Variants in PRR16 observed in about 807,000 individuals in gnomAD.
PRR16 encodes proline rich 16.
A neutral mutation model predicts 18.2 loss-of-function variants in PRR16; 6 were observed. The ratio of observed to expected loss-of-function variants is 0.33; its 90% confidence interval spans 0.18 to 0.65. The LOEUF is 0.65. PRR16 is among the 30% of genes least tolerant of loss of function. The pLI is 0.74. For synonymous variants in PRR16, 151 were observed against 147.8 expected (o/e 1.02, Z -0.16); for missense variants, 412 against 376.6 (o/e 1.09, Z -0.78).
At chr5:120,674,057 G>A (rs892518405) in intron 1 of PRR16, among the ~76,000 whole-genome samples, 14 of 151,760 alleles carry the variant, frequency 9.2e-5, no homozygotes, top group South Asian at 2.1e-4. Flanking sequence ...ACATCTTTTG[G>A]AAATTGAGCT....
chr5:120,772,521 A>T, the PRR16 span, among the ~76,000 whole-genome samples: 1 of 152,078 alleles, frequency 6.6e-6, no homozygotes, highest in African/African-American at 2.4e-5. Flanking sequence ...TAAACTCAAT[A>T]TTTCCTAGCA....
intron 1 of PRR16, among the ~76,000 whole-genome samples, chr5:120,614,674 C>A (rs905364032): frequency 1.3e-5 from 2 of 152,152 alleles, no homozygotes; most frequent in Non-Finnish European, 2.9e-5. Context: ...TGTTCTATTG[C>A]TGAATAAGTT....
intron 1 of PRR16, among the ~76,000 whole-genome samples, chr5:120,622,842 T>G (rs952080294): frequency 2.6e-5 from 4 of 151,350 alleles, no homozygotes; most frequent in Non-Finnish European, 4.4e-5. Flanking sequence ...TTTACATTAT[T>G]TCTTTTTTGT....
chr5:120,505,946 G>GTATA (rs10635515), intron 1 of PRR16, among the ~76,000 whole-genome samples: 3,441 of 141,246 alleles, frequency 0.024, 49 homozygotes, highest in South Asian at 0.039. Flanking sequence ...GTGTGTGTGT[G>GTATA]TATATATATA....
the PRR16 span, among the ~76,000 whole-genome samples, chr5:120,764,034 G>C: frequency 6.6e-6 from 1 of 152,024 alleles, no homozygotes; most frequent in Non-Finnish European, 1.5e-5. Flanking sequence ...ACGTTTATAA[G>C]TTTAGAGAAC....
At chr5:120,793,816 G>A in the PRR16 span, among the ~76,000 whole-genome samples, 4 of 152,072 alleles carry the variant, frequency 2.6e-5, no homozygotes, top group Non-Finnish European at 5.9e-5. Context: ...GTACTTACAT[G>A]AACCTAGATG....
chr5:120,483,851 G>A (rs1241347763), intron 1 of PRR16, among the ~76,000 whole-genome samples: 1 of 152,092 alleles, frequency 6.6e-6, no homozygotes, highest in Non-Finnish European at 1.5e-5. Flanking sequence ...TACAGTTGGT[G>A]TAAGTGATTC....
At chr5:120,470,908 A>G (rs557702608) in intron 1 of PRR16, among the ~76,000 whole-genome samples, 20 of 148,940 alleles carry the variant, frequency 1.3e-4, no homozygotes, top group Non-Finnish European at 2.7e-4. Flanking sequence ...CACGTTTCCT[A>G]TTTTTTTTTT....
chr5:120,623,996 A>G (rs969765679), intron 1 of PRR16, among the ~76,000 whole-genome samples: 4 of 152,066 alleles, frequency 2.6e-5, no homozygotes, highest in African/African-American at 9.7e-5. Flanking sequence ...TTGTATGCTT[A>G]ATGTTTGTGT....
the PRR16 span, among the ~76,000 whole-genome samples, chr5:120,701,693 A>G: frequency 2.0e-5 from 3 of 152,094 alleles, no homozygotes; most frequent in African/African-American, 7.2e-5. Context: ...GAAAAGGAAG[A>G]TTAGAAAGAC....
intron 1 of PRR16, among the ~76,000 whole-genome samples, chr5:120,683,921 CAA>C (rs55985484): frequency 3.3e-4 from 40 of 121,700 alleles, no homozygotes; most frequent in Middle Eastern, 4.2e-3. Flanking sequence ...ACTTCTGCTT[CAA>C]AAAAAAAAAA....
At chr5:120,536,412 C>T (rs554494359) in intron 1 of PRR16, among the ~76,000 whole-genome samples, 8 of 152,148 alleles carry the variant, frequency 5.3e-5, no homozygotes, top group Non-Finnish European at 1.2e-4. Context: ...TTTTCTATTA[C>T]AATAAACTTT....
the PRR16 span, among the ~76,000 whole-genome samples, chr5:120,728,001 C>T: frequency 1.3e-5 from 2 of 151,788 alleles, no homozygotes; most frequent in African/African-American, 4.8e-5. Context: ...TATTCAACAA[C>T]ATATTAGGCA....
At chr5:120,702,794 G>A in the PRR16 span, among the ~76,000 whole-genome samples, 2 of 152,156 alleles carry the variant, frequency 1.3e-5, no homozygotes, top group Admixed American at 1.3e-4. Context: ...GGAGAAGAGA[G>A]TAAGAAGAGG....
chr5:120,763,722 ATTTC>A, the PRR16 span, among the ~76,000 whole-genome samples: 359 of 151,714 alleles, frequency 2.4e-3, no homozygotes, highest in African/African-American at 7.8e-3. Context: ...GTCTTCTTCA[ATTTC>A]TTTCATCAGT....
At chr5:120,639,362 A>C (rs559531401) in intron 1 of PRR16, among the ~76,000 whole-genome samples, 2 of 152,254 alleles carry the variant, frequency 1.3e-5, no homozygotes, top group South Asian at 4.1e-4. Context: ...GTTTTCTTTC[A>C]TGATATATTC....
chr5:120,539,292 CTAA>C (rs1280887196), intron 1 of PRR16, among the ~76,000 whole-genome samples: 1 of 150,522 alleles, frequency 6.6e-6, no homozygotes, highest in East Asian at 1.9e-4. Context: ...ATATTATTTT[CTAA>C]TAATATTTTC....
chr5:120,764,999 A>G, the PRR16 span, among the ~76,000 whole-genome samples: 129 of 112,928 alleles, frequency 1.1e-3, 1 homozygote, highest in African/African-American at 6.0e-3. Flanking sequence ...TGAAGAGCCT[A>G]CCTCCTGAGT....
intron 1 of PRR16, among the ~76,000 whole-genome samples, chr5:120,627,217 TA>T (rs1412496887): frequency 6.6e-6 from 1 of 152,146 alleles, no homozygotes; most frequent in African/African-American, 2.4e-5. Flanking sequence ...ATCATGTAGC[TA>T]TTAAATGGCC....
Sources: allele counts gnomAD v4.1 joint callset (sites outside exome capture counted in the v4.1 genomes callset), GRCh38; gene constraint gnomAD v4.1.1; transcripts MANE v1.5; gene names NCBI Gene and HGNC (gene_info 2026-07-23, HGNC 2026-07-21).